CLASP1: variants seen among roughly 807,000 people sequenced by gnomAD.
CLASP1 encodes the protein cytoplasmic linker associated protein 1.
In CLASP1, 38 loss-of-function variants were observed where a neutral mutation model predicts 192.3. That is an observed-to-expected ratio of 0.20 (90% confidence interval 0.15 to 0.26). The LOEUF is 0.26. Ranked by LOEUF, CLASP1 falls within the 10% of genes least tolerant of loss-of-function variation. CLASP1 has a pLI of 1.00. For missense variants in CLASP1, 1,433 were observed against 1,932.5 expected, an observed-to-expected ratio of 0.74 and a Z score of 4.85; for synonymous variants, 691 against 712.8, an observed-to-expected ratio of 0.97 and a Z score of 0.49.
chr2:121,524,854 C>T (rs1044037083), intron 6 of CLASP1, among the ~76,000 whole-genome samples: 1 of 152,026 alleles, frequency 6.6e-6, no homozygotes, highest in Non-Finnish European at 1.5e-5. Context: ...AGGGGAGAGG[C>T]TGGGGTGGAA....
At chr2:121,402,710 AAT>A (rs751249394) in intron 26 of CLASP1, 3 of 514,170 alleles carry the variant, frequency 5.8e-6, no homozygotes, top group African/African-American at 5.8e-5. Context: ...TAAACCATCT[AAT>A]AGTGTTCACG....
chr2:121,398,354 T>C, exon 29 of CLASP1: 1 of 1,599,994 alleles, frequency 6.3e-7, no homozygotes, highest in South Asian at 1.1e-5. Context: ...TGATCCACAA[T>C]AAATCTCATC....
chr2:121,614,880 G>C (rs986715298), intron 1 of CLASP1, among the ~76,000 whole-genome samples: 2 of 152,188 alleles, frequency 1.3e-5, no homozygotes, highest in Admixed American at 6.5e-5. Flanking sequence ...ATAACTAGTA[G>C]ATTTAACAAG....
At chr2:121,513,180 T>C (rs1454113460) in intron 7 of CLASP1, 2 of 152,164 alleles carry the variant, frequency 1.3e-5, no homozygotes, top group African/African-American at 4.8e-5. Flanking sequence ...AACTGTCTTG[T>C]AGTAAATGCA....
In CLASP1 at chr2:121,557,203, T is replaced by C. The variant is rs1381635366; in HGVS notation, c.196-26878A>G. Among the ~76,000 whole-genome samples the C allele has an allele frequency of 2.0e-5, 3 of 152,258 alleles. No homozygotes were observed. The East Asian group carries it at 5.8e-4, about 29-fold the overall frequency. Reference sequence around the variant, plus strand: ...GATAGAACTTACTCTTTCCTGGTTATCAGTTCAGATGATAAGTTTTGTTTG... The same window carrying C: ...GATAGAACTTACTCTTTCCTGGTTACCAGTTCAGATGATAAGTTTTGTTTG... On this transcript the variant is annotated intron_variant, in intron 2 of 39. Transcript: ENST00000263710.
intron 2 of CLASP1, among the ~76,000 whole-genome samples, chr2:121,538,269 G>A (rs999285009): frequency 1.3e-5 from 2 of 151,794 alleles, no homozygotes; most frequent in African/African-American, 2.4e-5. Flanking sequence ...AAAATTAGCC[G>A]GGCGTGGTGG....
At chr2:121,384,863 A>G (rs1430840047) in intron 32 of CLASP1, among the ~76,000 whole-genome samples, 1 of 152,224 alleles carries the variant, frequency 6.6e-6, no homozygotes, top group Non-Finnish European at 1.5e-5. Flanking sequence ...CCTGGGTGAC[A>G]GAGTGAGACT....
At chr2:121,449,144 G>A in intron 16 of CLASP1, 24 bp from the exon 17 acceptor site, 1 of 1,608,558 alleles carries the variant, frequency 6.2e-7, no homozygotes, top group Non-Finnish European at 8.5e-7. Flanking sequence ...ACAAAATCCT[G>A]GTCTAATTCA....
At chr2:121,530,941 T>TAACGCCTGAACACAC (rs1559534196) in intron 2 of CLASP1, 1 of 700,438 alleles carries the variant, frequency 1.4e-6, no homozygotes, top group Admixed American at 2.0e-5. Context: ...GCAGTACTGC[T>TAACGCCTGAACACAC]AACGCCTGAA....
chr2:121,469,858 A>G (rs2090355696), exon 9 of CLASP1: 1 of 1,613,818 alleles, frequency 6.2e-7, no homozygotes, highest in South Asian at 1.1e-5. Flanking sequence ...GGTGGTTCCC[A>G]TTCCAACGTT....
chr2:121,367,488 C>T, intron 35 of CLASP1, 100 bp downstream of exon 36: 1 of 1,484,076 alleles, frequency 6.7e-7, no homozygotes, highest in Non-Finnish European at 9.2e-7. Flanking sequence ...GACCCAGCGT[C>T]TCCATTTACA....
rs761950097 is a variant in CLASP1, at chr2:121,568,921, GGT to G, written c.195+36778_195+36779del. On this transcript the variant is annotated intron_variant, in intron 2 of 39. Coordinates refer to ENST00000263710, the Ensembl canonical transcript of CLASP1. The stretch of plus-strand genomic sequence containing the variant: ...TAGTTTGGAGGAATAGAATTGATAG[GGT>G]AGCCTCTGGCTGTCCTGAGCTGGTG... Among the ~76,000 whole-genome samples the G allele has an allele frequency of 7.9e-3, 1,198 of 152,174 alleles. 7 individuals are homozygous for G. The highest frequency in any genetic ancestry group is 0.014 in the Non-Finnish European group (947 of 68,002).
chr2:121,386,145 G>A (rs2073141649), intron 32 of CLASP1, among the ~76,000 whole-genome samples: 1 of 152,154 alleles, frequency 6.6e-6, no homozygotes. Context: ...AAGAAGTGTG[G>A]GAGATTCTTG....
At chr2:121,416,337 C>T (rs538344701) in intron 23 of CLASP1, among the ~76,000 whole-genome samples, 1 of 152,258 alleles carries the variant, frequency 6.6e-6, no homozygotes, top group South Asian at 2.1e-4. Flanking sequence ...ATATTCATAC[C>T]ATCAAAATGG....
In CLASP1 at chr2:121,530,943, A is replaced by C. The variant is rs556631327; in HGVS notation, c.196-618T>G. On this transcript the variant is annotated intron_variant, in intron 2 of 39. Transcript: ENST00000263710. ...GCGCATAGTGAGGGCAGTACTGCTA[A>C]CGCCTGAACAACACACCCGCATCAA... 85 of 700,406 alleles carry C rather than the reference A, an allele frequency of 1.2e-4. No homozygotes were observed. The highest frequency in any genetic ancestry group is 1.9e-4 in the Non-Finnish European group (74 of 384,798). 43.4% of individuals were successfully genotyped at this position (700,406 alleles called of 1,614,324 possible).
chr2:121,460,684 C>T (rs1368267944), intron 11 of CLASP1, among the ~76,000 whole-genome samples: 1 of 152,074 alleles, frequency 6.6e-6, no homozygotes, highest in Non-Finnish European at 1.5e-5. Flanking sequence ...ATGCTGAGCC[C>T]ACTTTCCATT....
chr2:121,486,196 T>C (rs13031477), intron 8 of CLASP1, among the ~76,000 whole-genome samples: 7,435 of 152,236 alleles, frequency 0.049, 269 homozygotes, highest in Middle Eastern at 0.095. Flanking sequence ...TAGAGAATAG[T>C]AGGACATTGA....
intron 6 of CLASP1, among the ~76,000 whole-genome samples, chr2:121,524,517 C>T (rs999604508): frequency 2.6e-5 from 4 of 151,328 alleles, no homozygotes; most frequent in Non-Finnish European, 5.9e-5. Flanking sequence ...AATGCAGTGG[C>T]ACGATCTTGG....
At chr2:121,400,178 C>CT (rs2075954854) in intron 28 of CLASP1, among the ~76,000 whole-genome samples, 5 of 152,220 alleles carry the variant, frequency 3.3e-5, no homozygotes, top group Admixed American at 3.3e-4. Context: ...AGCTTTATTG[C>CT]AAATTTAGTA....
Sources: gnomAD v4.1 joint callset for allele counts (sites outside exome capture counted in the v4.1 genomes callset) on GRCh38, gnomAD v4.1.1 for gene constraint, MANE v1.5 for transcripts, NCBI Gene and HGNC (gene_info 2026-07-23, HGNC 2026-07-21) for gene names.